The following RFC4 variants were observed in gnomAD, a reference collection of about 807,000 sequenced individuals.
RFC4 encodes replication factor C subunit 4.
Under a neutral mutation model 47.6 loss-of-function variants are expected in RFC4, and 38 were observed. That is an observed-to-expected ratio of 0.80 (90% CI 0.62 to 1.05). The LOEUF (loss-of-function observed/expected upper bound fraction) is 1.05, where lower values mean the gene tolerates loss of function less well. Ranked by LOEUF, RFC4 falls within the 50% of genes least tolerant of loss-of-function variation. RFC4 has a pLI of 0.00. For synonymous variants in RFC4, 164 were observed against 150.0 expected, an observed-to-expected ratio of 1.09 and a Z score of -0.68; for missense variants, 489 against 434.0, an observed-to-expected ratio of 1.13 and a Z score of -1.13.
chr3:186,794,595 G>A (rs981179048), intron 5 of RFC4, 63 bp downstream of exon 5: 38 of 1,495,808 alleles, frequency 2.5e-5, no homozygotes, highest in East Asian at 4.6e-5. Flanking sequence ...GCTGAGGAGC[G>A]ATGGCAGAAA....
intron 4 of RFC4, 173 bp from the exon 5 acceptor site, chr3:186,794,950 G>A: frequency 1.5e-6 from 1 of 648,928 alleles, no homozygotes; most frequent in Non-Finnish European, 2.5e-6. Context: ...TAACATTTTG[G>A]CTTTTTTCCA....
In RFC4 at chr3:186,792,496, A is replaced by G; in HGVS notation, c.669T>C (p.Ser223=). The G allele has an allele frequency of 1.2e-6, 2 of 1,611,062 alleles. No individual in the cohort carries two copies. The highest frequency in any genetic ancestry group is 1.7e-6 in the Non-Finnish European group (2 of 1,177,402). ...TGTAATAATTAGTAATTACCTCATC[A>G]CTAATTTTGACATTTTCCTTCTTGG... The part of the protein sequence containing the change: ...DIAKKENVKI[S]DEGIAYLVKV... The change falls in exon 7 of 11, where the codon AGT becomes AGC. Residue 223 remains serine (S), a synonymous_variant. Coordinates refer to ENST00000296273, the MANE Select transcript of RFC4 (RefSeq NM_002916.5).
In RFC4 at chr3:186,797,678, T is replaced by A; in HGVS notation, c.211-64A>T. 1.7e-5 allele frequency: 20 copies of A among 1,151,052 alleles called. No individual in the cohort carries two copies. The Admixed American group carries it at 1.9e-4, about 11-fold the overall frequency. 71.3% of individuals were successfully genotyped at this position (1,151,052 alleles called of 1,614,324 possible). On this transcript the variant is annotated intron_variant, in intron 3 of 10. Transcript: ENST00000296273. ...TGGCACAAATAGATGAAAAGGAAGA[T>A]CGAAAAAAATGTCTGTGGAATAGTG...
At position 186,793,876 on chromosome 3, in the gene RFC4, C is replaced by T. The variant is rs1722191726; in HGVS notation, c.410+782G>A. On this transcript the variant is annotated intron_variant, in intron 5 of 10. Coordinates refer to ENST00000296273, the MANE Select transcript of RFC4 (RefSeq NM_002916.5). This position sits in a 1 kb window ranked among gnomAD's most constrained non-coding sequence, Gnocchi z 4.2. ...TAGCTGGGACTACAGGCGCCCGCCACCACACCCAGCTAATTTTTTGTATTT... is the reference window on the plus strand; with the variant it reads ...TAGCTGGGACTACAGGCGCCCGCCATCACACCCAGCTAATTTTTTGTATTT... Among the ~76,000 whole-genome samples the T allele has an allele frequency of 6.6e-6, 1 of 152,078 alleles. No individual in the cohort carries two copies. The highest frequency in any genetic ancestry group is 1.5e-5 in the Non-Finnish European group (1 of 68,010).
chr3:186,797,749 T>C, intron 3 of RFC4, 135 bp from the exon 4 acceptor site: 1 of 582,018 alleles, frequency 1.7e-6, no homozygotes, highest in Non-Finnish European at 3.0e-6. Context: ...TATAAAGTTT[T>C]CTTAATATAA....
chr3:186,804,218 A>G lies in RFC4; in HGVS notation c.131+365T>C, dbSNP rs3917103. On this transcript the variant is annotated intron_variant, in intron 2 of 10. Coordinates refer to ENST00000296273, the MANE Select transcript of RFC4 (RefSeq NM_002916.5). ...ATAATAATAATAATACTTTCCACCT[A>G]TTGTAATGAGAAGAAGGAGGAACAG... is the stretch of plus-strand genomic sequence containing the variant. Among the ~76,000 whole-genome samples, 1,147 of 152,216 alleles carry G rather than the reference A, an allele frequency of 7.5e-3. 15 individuals carry two copies. The highest frequency in any genetic ancestry group is 0.026 in the African/African-American group (1,090 of 41,538).
At chr3:186,801,081 A>G in intron 3 of RFC4, 36 bp downstream of exon 3, 1 of 1,456,540 alleles carries the variant, frequency 6.9e-7, no homozygotes. Context: ...TAAGTCTTAA[A>G]TATCCCAATG....
chr3:186,794,868 C>A (rs1321905666), intron 4 of RFC4, 91 bp from the exon 5 acceptor site: 16 of 1,395,418 alleles, frequency 1.1e-5, no homozygotes, highest in Admixed American at 1.9e-5. Context: ...CGTTTAAAAT[C>A]CACCTAGTAA....
intron 4 of RFC4, 100 bp from the exon 5 acceptor site, chr3:186,794,877 A>G: frequency 7.8e-7 from 1 of 1,277,438 alleles, no homozygotes; most frequent in South Asian, 1.3e-5. Flanking sequence ...TCCACCTAGT[A>G]AACAACATGG....
chr3:186,799,073 G>A (rs1191366404), intron 3 of RFC4, among the ~76,000 whole-genome samples: 3 of 152,122 alleles, frequency 2.0e-5, no homozygotes, highest in Non-Finnish European at 4.4e-5. Context: ...AGTAATTAAG[G>A]TCTACAACTA....
At chr3:186,792,764 T>A in intron 6 of RFC4, 40 bp downstream of exon 6, 1 of 1,574,078 alleles carries the variant, frequency 6.4e-7, no homozygotes, top group Non-Finnish European at 8.6e-7. Context: ...GTTATGAAAA[T>A]AAGGCTGCCT....
At position 186,796,444 on chromosome 3, in the gene RFC4, C is replaced by T. The variant is rs1315069352; in HGVS notation, c.290+1091G>A. ...TCTCCCTTTGTCTTTTACATTTTGA[C>T]ATAACTAATAATCCTTACACATTTG... On this transcript the variant is annotated intron_variant, in intron 4 of 10. Transcript: ENST00000296273. This position sits in a 1 kb window ranked among gnomAD's most constrained non-coding sequence, Gnocchi z 4.2. 8.6e-5 allele frequency among the ~76,000 whole-genome samples: 13 copies of T among 151,862 alleles called. No individual in the cohort carries two copies. Among genetic ancestry groups the T allele is most frequent in the Admixed American group, 7.2e-4 (11 of 15,234 alleles).
Position 186,790,210 on chromosome 3 carries a change from G to GTTGA in RFC4, c.924_927dup (p.Leu310SerfsTer4). 1.2e-6 allele frequency: 2 copies of GTTGA among 1,614,026 alleles called. No homozygotes were observed. Among genetic ancestry groups the GTTGA allele is most frequent in the African/African-American group, 2.7e-5 (2 of 75,022 alleles). On this transcript the variant is annotated frameshift_variant, in exon 10 of 11. Transcript: ENST00000296273. LOFTEE classifies it high-confidence loss of function. ...TTATTTTCTACAACCACATCATGGA[G>GTTGA]TTGATTGACGAGCTGAGTTGCTGCA...
chr3:186,794,527 GTCTTC>G lies in RFC4; in HGVS notation c.410+126_410+130del. ...ATCCCTGTTTACCTCAGGCAGGATA[GTCTTC>G]TAACATGAAAAGTTGACAATTTGGC... is the stretch of plus-strand genomic sequence containing the variant. On this transcript the variant is annotated intron_variant, in intron 5 of 10. Transcript: ENST00000296273. The G allele has an allele frequency of 3.4e-6, 3 of 872,050 alleles. No homozygotes were observed. In the South Asian group the frequency reaches 5.2e-5, roughly 15 times the overall value. The allele number at this position is 872,050 out of a possible 1,614,324, so 54.0% of individuals were successfully genotyped here. A position where few individuals can be genotyped will look rare whatever the true frequency, so the allele number is the denominator to read the frequency against.
chr3:186,790,846 TAAAG>T (rs988235477), intron 8 of RFC4, among the ~76,000 whole-genome samples: 2 of 152,056 alleles, frequency 1.3e-5, no homozygotes, highest in Non-Finnish European at 2.9e-5. Context: ...TCCAGAAAAT[TAAAG>T]AGGATTAGTG....
At chr3:186,804,759 A>G (rs1722440363) in intron 1 of RFC4, 35 bp from the exon 2 acceptor site, 2 of 1,582,800 alleles carry the variant, frequency 1.3e-6, no homozygotes, top group Middle Eastern at 1.7e-4. Flanking sequence ...AAAAGCTTTT[A>G]TTGAAACTTT....
At position 186,800,106 on chromosome 3, in the gene RFC4, C is replaced by T. The variant is rs149750565; in HGVS notation, c.210+1011G>A. On this transcript the variant is annotated intron_variant, in intron 3 of 10. Coordinates refer to ENST00000296273, the MANE Select transcript of RFC4 (RefSeq NM_002916.5). Reference sequence around the variant, plus strand: ...GAGTAGCTGGGACTACAGGTGTGTGCCACCACGCCTGGCTACTTTTTCTAA... The same window carrying T: ...GAGTAGCTGGGACTACAGGTGTGTGTCACCACGCCTGGCTACTTTTTCTAA... 9.7e-4 allele frequency among the ~76,000 whole-genome samples: 147 copies of T among 152,130 alleles called. No individual in the cohort carries two copies. In the South Asian group the frequency reaches 0.013, roughly 13 times the overall value.
chr3:186,794,777 C>T lies in RFC4; in HGVS notation c.291G>A (p.Gly97=), dbSNP rs1722209771. The T allele has an allele frequency of 6.2e-7, 1 of 1,613,204 alleles. No individual in the cohort carries two copies. The highest frequency in any genetic ancestry group is 1.3e-5 in the African/African-American group (1 of 74,866). Residue 97 remains glycine (G), a splice_region_variant and synonymous_variant, in exon 5 of 11, where the codon GGG becomes GGA. Coordinates refer to ENST00000296273, the MANE Select transcript of RFC4 (RefSeq NM_002916.5). ...GAACTCTTAATCGGAAAAGTTCAGG[C>T]CTATCTCAAAATGAAACAAATATGA... ...TILAAARELF[G]PELFRLRVLE... is the part of the protein sequence containing the mutation.
rs948232224 is a variant in RFC4 at position 186,794,562 on chromosome 3, A to G, written c.410+96T>C. ...ATGAAAAGTTGACAATTTGGCAGAA[A>G]TACACTTGATCTTAGCCAAAAGGCT... On this transcript the variant is annotated intron_variant, in intron 5 of 10. Transcript: ENST00000296273. 115 of 1,252,812 alleles carry G rather than the reference A, an allele frequency of 9.2e-5. No homozygotes were observed. In the African/African-American group the frequency reaches 1.2e-3, roughly 13 times the overall value. The allele number at this position is 1,252,812 out of a possible 1,614,324, so 77.6% of individuals were successfully genotyped here. A position where few individuals can be genotyped will look rare whatever the true frequency, so the allele number is the denominator to read the frequency against.
Sources: gnomAD v4.1 joint callset for allele counts (sites outside exome capture counted in the v4.1 genomes callset) on GRCh38, gnomAD v4.1.1 for gene constraint, Gnocchi (gnomAD v3.1) non-coding constraint, MANE v1.5 for transcripts, NCBI Gene and HGNC (gene_info 2026-07-23, HGNC 2026-07-21) for gene names.